The following TANC2 variants were observed in gnomAD, a reference collection of about 807,000 sequenced individuals.
The protein encoded by TANC2 is tetratricopeptide repeat, ankyrin repeat and coiled-coil containing 2, also known as protein TANC2.
Under a neutral mutation model 210.5 loss-of-function variants are expected in TANC2, and 26 were observed. The ratio of observed to expected loss-of-function variants is 0.12; its 90% CI spans 0.09 to 0.17. TANC2 has a LOEUF of 0.17. Ranked by LOEUF, TANC2 falls within the 10% of genes least tolerant of loss-of-function variation. The pLI, the probability that TANC2 is intolerant of heterozygous loss-of-function variation, is 1.00. For synonymous variants in TANC2, 931 were observed against 967.1 expected, an observed-to-expected ratio of 0.96 and a Z score of 0.69; for missense variants, 2,129 against 2,608.9, an observed-to-expected ratio of 0.82 and a Z score of 4.01.
At chr17:63,350,488 G>A (rs1478166429) in intron 12 of TANC2, among the ~76,000 whole-genome samples, 4 of 152,148 alleles carry the variant, frequency 2.6e-5, no homozygotes, top group Admixed American at 6.5e-5. Flanking sequence ...AAGCTGCTTC[G>A]TCAGCATAGC....
intron 4 of TANC2, among the ~76,000 whole-genome samples, chr17:63,137,341 T>A (rs968810109): frequency 3.3e-4 from 51 of 152,302 alleles, no homozygotes; most frequent in African/African-American, 1.2e-3. Context: ...ATAAAGAAGA[T>A]GTTGATTTCT....
chr17:63,076,598 ACT>A (rs2036579790), intron 3 of TANC2, among the ~76,000 whole-genome samples: 1 of 152,136 alleles, frequency 6.6e-6, no homozygotes, highest in Non-Finnish European at 1.5e-5. Flanking sequence ...ATTTGAAGAA[ACT>A]CTCTAAATGT....
intron 2 of TANC2, among the ~76,000 whole-genome samples, chr17:63,062,580 G>A (rs1483051135): frequency 2.0e-5 from 3 of 152,044 alleles, no homozygotes; most frequent in African/African-American, 7.3e-5. Context: ...TTAATTCTTT[G>A]TATTTTCCGG....
exon 14 of TANC2, chr17:63,354,949 G>A (rs2046739314): frequency 1.2e-6 from 2 of 1,613,672 alleles, no homozygotes; most frequent in Admixed American, 1.7e-5. Context: ...ACTACATTTG[G>A]CAAACTCAGT....
intron 2 of TANC2, among the ~76,000 whole-genome samples, chr17:63,052,311 T>A (rs1223561234): frequency 6.6e-6 from 1 of 152,180 alleles, no homozygotes; most frequent in Non-Finnish European, 1.5e-5. Context: ...CCTAAAGTCA[T>A]ATAAATTGTA....
intron 1 of TANC2, among the ~76,000 whole-genome samples, chr17:62,988,897 C>T (rs2032712094): frequency 6.6e-6 from 1 of 152,186 alleles, no homozygotes; most frequent in African/African-American, 2.4e-5. Flanking sequence ...TAGTGTTCTA[C>T]TTTCATTCAG....
chr17:63,353,080 T>G (rs768454917), intron 13 of TANC2, among the ~76,000 whole-genome samples: 17 of 152,186 alleles, frequency 1.1e-4, no homozygotes, highest in Non-Finnish European at 2.1e-4. Flanking sequence ...TGATCTGTCT[T>G]TTTTAAAGAT....
intron 9 of TANC2, among the ~76,000 whole-genome samples, chr17:63,308,326 C>G (rs2044996061): frequency 6.6e-6 from 1 of 152,194 alleles, no homozygotes; most frequent in Non-Finnish European, 1.5e-5. Context: ...TATTTCTTCA[C>G]TCTTTGCTGT....
intron 7 of TANC2, among the ~76,000 whole-genome samples, chr17:63,232,202 A>G (rs2042495506): frequency 1.3e-5 from 2 of 152,220 alleles, no homozygotes; most frequent in South Asian, 4.1e-4. Flanking sequence ...GGGTTAGAAC[A>G]TGCTCCTTCA....
chr17:62,975,588 TGTTTGAAAG>T (rs1568288524), intron 1 of TANC2, among the ~76,000 whole-genome samples: 2 of 151,062 alleles, frequency 1.3e-5, no homozygotes, highest in East Asian at 3.9e-4. Context: ...AGACAGACTT[TGTTTGAAAG>T]CTGTTATTCA....
At chr17:63,323,756 A>G (rs1372383385) in intron 11 of TANC2, among the ~76,000 whole-genome samples, 1 of 152,222 alleles carries the variant, frequency 6.6e-6, no homozygotes, top group Non-Finnish European at 1.5e-5. Flanking sequence ...GACTTCAGTG[A>G]TTAATTTTTT....
intron 21 of TANC2, among the ~76,000 whole-genome samples, chr17:63,409,673 T>C (rs140905247): frequency 6.6e-6 from 1 of 152,288 alleles, no homozygotes; most frequent in African/African-American, 2.4e-5. Context: ...CTAGGCTGTA[T>C]AGTATAGCCT....
At chr17:63,040,376 C>G (rs1269760677) in intron 2 of TANC2, among the ~76,000 whole-genome samples, 1 of 152,116 alleles carries the variant, frequency 6.6e-6, no homozygotes, top group African/African-American at 2.4e-5. Flanking sequence ...AATTGAGCAT[C>G]AAGCATAGAT....
chr17:63,300,594 G>A lies in TANC2; in HGVS notation c.1160-13794G>A, dbSNP rs147054663. Among the ~76,000 whole-genome samples, 179 of 152,228 alleles carry A rather than the reference G, an allele frequency of 1.2e-3. 2 individuals are homozygous for A. The East Asian group carries it at 0.024, about 20-fold the overall frequency. ...GGCTCTCTGCTTGTCTAATGTTGGC[G>A]TATAGGAATGCTTGTGGGTTTTGCA... is the stretch of plus-strand genomic sequence containing the variant. On this transcript the variant is annotated intron_variant, in intron 9 of 27. Transcript: ENST00000689528.
chr17:63,031,235 T>C (rs1329416286), intron 2 of TANC2, among the ~76,000 whole-genome samples: 1 of 152,166 alleles, frequency 6.6e-6, no homozygotes, highest in Non-Finnish European at 1.5e-5. Flanking sequence ...TGTATAATTT[T>C]AATGACATAA....
At chr17:63,391,455 C>T (rs1203243588) in intron 17 of TANC2, 2 of 152,166 alleles carry the variant, frequency 1.3e-5, no homozygotes, top group African/African-American at 4.8e-5. Context: ...CTCTCTCAAT[C>T]GCACTTTTCA....
At chr17:63,238,189 A>C in intron 8 of TANC2, 112 bp downstream of exon 8, 2 of 1,301,920 alleles carry the variant, frequency 1.5e-6, no homozygotes, top group South Asian at 3.4e-5. Flanking sequence ...TTTTCCATTC[A>C]TCTTTTCTGA....
At position 63,034,959 on chromosome 17, in the gene TANC2, CA is replaced by C. The variant is rs547661352; in HGVS notation, c.67+25334del. On this transcript the variant is annotated intron_variant, in intron 2 of 27. Transcript: ENST00000689528. ...TATTTCATAAACCTAGTTGATAAAA[CA>C]GTGCCAGGGTTTGAAAGGATTGACT... is the stretch of plus-strand genomic sequence containing the variant. 4.0e-3 allele frequency among the ~76,000 whole-genome samples: 616 copies of C among 152,272 alleles called. 5 individuals are homozygous for C. Among genetic ancestry groups the C allele is most frequent in the African/African-American group, 0.014 (597 of 41,562 alleles).
At position 63,421,975 on chromosome 17, in the gene TANC2, A is replaced by C; in HGVS notation, c.*20A>C. The C allele has an allele frequency of 6.3e-7, 1 of 1,578,240 alleles. No homozygotes were observed. The highest frequency in any genetic ancestry group is 8.6e-7 in the Non-Finnish European group (1 of 1,162,680). On this transcript the variant is annotated 3_prime_UTR_variant, in exon 28 of 28. Transcript: ENST00000689528. The surrounding 1 kb of genome is among the most constrained non-coding windows in gnomAD (Gnocchi z 6.9). The stretch of plus-strand genomic sequence containing the variant: ...GTTTAAAAGACGTTTTGTTGGAGTG[A>C]GACCCATATGTTTTCACTGCACATT...
Sources: gnomAD v4.1 joint callset for allele counts (sites outside exome capture counted in the v4.1 genomes callset) on GRCh38, gnomAD v4.1.1 for gene constraint, Gnocchi (gnomAD v3.1) non-coding constraint, MANE v1.5 for transcripts, NCBI Gene and HGNC (gene_info 2026-07-23, HGNC 2026-07-21) for gene names.